The following VPS54 variants were observed in gnomAD, a reference collection of about 807,000 sequenced individuals.
VPS54 encodes the protein VPS54 subunit of GARP complex.
Under a neutral mutation model 121.5 loss-of-function variants are expected in VPS54, and 45 were observed. The ratio of observed to expected loss-of-function variants is 0.37; its 90% confidence interval spans 0.29 to 0.47. The LOEUF (loss-of-function observed/expected upper bound fraction) is 0.47. Ranked by LOEUF, VPS54 falls within the 20% of genes least tolerant of loss-of-function variation. The pLI is 0.99. For synonymous variants in VPS54, 371 were observed against 385.8 expected, an observed-to-expected ratio of 0.96 and a Z score of 0.45; for missense variants, 1,090 against 1,131.4, an observed-to-expected ratio of 0.96 and a Z score of 0.52.
At chr2:63,941,574 G>T (rs1486504008) in intron 11 of VPS54, among the ~76,000 whole-genome samples, 1 of 152,120 alleles carries the variant, frequency 6.6e-6, no homozygotes, top group African/African-American at 2.4e-5. Context: ...ATTCAAACCA[G>T]TATGTATTAG....
intron 11 of VPS54, among the ~76,000 whole-genome samples, chr2:63,937,181 CAAAAGACACCATT>C: frequency 6.6e-6 from 1 of 152,076 alleles, no homozygotes; most frequent in South Asian, 2.1e-4. Flanking sequence ...TTCTATGCAT[CAAAAGACACCATT>C]AACAGAGTAA....
At chr2:63,976,020 AC>A (rs915074553) in intron 3 of VPS54, among the ~76,000 whole-genome samples, 1 of 152,192 alleles carries the variant, frequency 6.6e-6, no homozygotes, top group African/African-American at 2.4e-5. Context: ...GTGAGCCGAC[AC>A]GCCCGGTACA....
At chr2:63,918,219 T>C (rs1019156526) in intron 15 of VPS54, among the ~76,000 whole-genome samples, 2 of 151,890 alleles carry the variant, frequency 1.3e-5, no homozygotes, top group East Asian at 1.9e-4. Flanking sequence ...ACCATCAATA[T>C]CCTCCAAAGA....
intron 2 of VPS54, among the ~76,000 whole-genome samples, chr2:63,983,152 GA>G (rs1440070752): frequency 6.9e-6 from 1 of 144,028 alleles, no homozygotes; most frequent in Non-Finnish European, 1.5e-5. Flanking sequence ...ATTTCCAAAT[GA>G]TTTTTTTTTT....
intron 2 of VPS54, among the ~76,000 whole-genome samples, chr2:63,983,117 A>T (rs1384523572): frequency 2.0e-5 from 3 of 151,044 alleles, no homozygotes; most frequent in East Asian, 1.9e-4. Flanking sequence ...GAAATACATT[A>T]AAAAAAAATT....
rs756404840 is a variant in VPS54 at position 63,913,243 on chromosome 2, G to T, written c.2402C>A (p.Thr801Lys). The T allele has an allele frequency of 6.2e-7, 1 of 1,609,046 alleles. No individual in the cohort carries two copies. Among genetic ancestry groups the T allele is most frequent in the East Asian group, 2.3e-5 (1 of 44,352 alleles). The change falls in exon 18 of 23, where the codon ACG (threonine) becomes AAG (lysine). Residue 801 changes from threonine (T) to lysine (K), a missense_variant. Physicochemically the swap from Thr to Lys is moderately conservative, Grantham distance 78. Around this residue, in one of 2 missense-constraint regions of VPS54, gnomAD observed 289 missense variants for 374.4 expected, o/e 0.77. Transcript: ENST00000272322. ...AGALQVVGLK[T>K]ITTKNLALSS... ...CATACCCAAATTTTTTGTAGTTATC[G>T]TTTTTAGTCCAACAACTTGCAGTGC...
At chr2:63,941,953 G>C (rs988405523) in intron 11 of VPS54, among the ~76,000 whole-genome samples, 20 of 147,330 alleles carry the variant, frequency 1.4e-4, no homozygotes, top group African/African-American at 5.0e-4. Flanking sequence ...AGAATCACTT[G>C]AACCCGGGAG....
intron 1 of VPS54, among the ~76,000 whole-genome samples, chr2:64,015,963 A>G (rs1678665839): frequency 1.3e-5 from 2 of 152,140 alleles, no homozygotes; most frequent in Non-Finnish European, 2.9e-5. Flanking sequence ...ATACATACAT[A>G]TATACAAGAA....
intron 7 of VPS54, among the ~76,000 whole-genome samples, chr2:63,950,549 A>G (rs990988727): frequency 2.0e-5 from 3 of 152,148 alleles, no homozygotes; most frequent in Non-Finnish European, 2.9e-5. Flanking sequence ...CATTAATGGC[A>G]CCAATCCAGA....
Position 63,893,397 on chromosome 2 carries a change from G to T in VPS54, c.*33C>A. 1 of 1,551,036 alleles carries T rather than the reference G, an allele frequency of 6.4e-7. No individual in the cohort carries two copies. The highest frequency in any genetic ancestry group is 1.4e-5 in the African/African-American group (1 of 73,642). Reference sequence around the variant, plus strand: ...TTCTTCATAACAAACACATCCCATGGTCAGATGAACTACCCAGTTTTCCAG... The same window carrying T: ...TTCTTCATAACAAACACATCCCATGTTCAGATGAACTACCCAGTTTTCCAG... On this transcript the variant is annotated 3_prime_UTR_variant, in exon 23 of 23. Coordinates refer to ENST00000272322, the MANE Select transcript of VPS54 (RefSeq NM_016516.3).
intron 11 of VPS54, among the ~76,000 whole-genome samples, chr2:63,936,106 CAG>C: frequency 6.6e-6 from 1 of 152,234 alleles, no homozygotes; most frequent in East Asian, 1.9e-4. Flanking sequence ...CTTTAATTCC[CAG>C]AGCCAATACA....
rs771560866 is a variant in VPS54, at chr2:63,947,460, A to G, written c.1168T>C (p.Leu390=). The G allele has an allele frequency of 9.1e-6, 14 of 1,540,810 alleles. No homozygotes were observed. In the Admixed American group the frequency reaches 1.8e-4, roughly 20 times the overall value. Residue 390 remains leucine (L), a synonymous_variant, in exon 9 of 23, where the codon TTA becomes CTA. Transcript: ENST00000272322. ...ERLISLVFGL[L]KQRKLNFLEI... is the part of the protein sequence containing the mutation. ...AAAAAATTAAGCTTTCTTTGTTTTAAAAGTCCAAATACAAGAGATATTAGT... is the reference window on the plus strand; with the variant it reads ...AAAAAATTAAGCTTTCTTTGTTTTAGAAGTCCAAATACAAGAGATATTAGT...
At chr2:63,972,352 C>A in intron 3 of VPS54, 108 bp from the exon 4 acceptor site, 1 of 699,908 alleles carries the variant, frequency 1.4e-6, no homozygotes, top group Non-Finnish European at 2.3e-6. Context: ...AGTCCTACGA[C>A]TTTTAATATG....
intron 20 of VPS54, among the ~76,000 whole-genome samples, chr2:63,902,570 A>C (rs1317761454): frequency 6.6e-6 from 1 of 152,220 alleles, no homozygotes; most frequent in Non-Finnish European, 1.5e-5. Flanking sequence ...AAAAAACAAA[A>C]TATACAAAAA....
chr2:63,966,332 T>C (rs1200225858), intron 5 of VPS54, among the ~76,000 whole-genome samples: 1 of 152,214 alleles, frequency 6.6e-6, no homozygotes, highest in Non-Finnish European at 1.5e-5. Flanking sequence ...ATGCCAAATA[T>C]CAATTTCTCT....
intron 21 of VPS54, 107 bp downstream of exon 21, chr2:63,899,367 A>G: frequency 4.5e-6 from 4 of 882,920 alleles, no homozygotes; most frequent in Non-Finnish European, 6.8e-6. Context: ...TGATAATCAT[A>G]TTGGAACATG....
intron 22 of VPS54, among the ~76,000 whole-genome samples, chr2:63,896,344 G>T (rs568521039): frequency 6.6e-6 from 1 of 152,276 alleles, no homozygotes; most frequent in South Asian, 2.1e-4. Flanking sequence ...TCAAAAGGGA[G>T]GTATGGGGGT....
At chr2:63,951,098 G>C (rs907157979) in intron 7 of VPS54, among the ~76,000 whole-genome samples, 2 of 151,860 alleles carry the variant, frequency 1.3e-5, no homozygotes, top group Non-Finnish European at 2.9e-5. Context: ...TAGTAAGCCT[G>C]CACCTGCATA....
At chr2:63,972,597 C>G (rs6546041) in intron 3 of VPS54, among the ~76,000 whole-genome samples, 54,339 of 151,918 alleles carry the variant, frequency 0.36, 10,206 homozygotes, top group Non-Finnish European at 0.4. Flanking sequence ...AAGATAGAAA[C>G]AAATTAGGCC....
Sources: allele counts gnomAD v4.1 joint callset (sites outside exome capture counted in the v4.1 genomes callset), GRCh38; gene constraint gnomAD v4.1.1; regional missense constraint gnomAD v4.1.1; transcripts MANE v1.5; gene names NCBI Gene and HGNC (gene_info 2026-07-23, HGNC 2026-07-21).